PIAS4: variants seen among roughly 807,000 people sequenced by gnomAD.
PIAS4 encodes the protein E3 SUMO-protein ligase PIAS4.
PIAS4 carries 7 observed loss-of-function variants against 58.0 expected under a neutral mutation model. That is an observed-to-expected ratio of 0.12 (90% confidence interval 0.07 to 0.23). The LOEUF (loss-of-function observed/expected upper bound fraction) is 0.23, where lower values mean the gene tolerates loss of function less well. PIAS4 is among the 10% of genes least tolerant of loss of function. PIAS4 has a pLI of 1.00. For missense variants in PIAS4, 550 were observed against 709.5 expected (o/e 0.78, Z 2.55); for synonymous variants, 364 against 312.4 (o/e 1.17, Z -1.74).
intron 2 of PIAS4, among the ~76,000 whole-genome samples, chr19:4,016,970 A>G (rs981709472): frequency 6.6e-6 from 1 of 152,132 alleles, no homozygotes; most frequent in African/African-American, 2.4e-5. Flanking sequence ...GGGGTCAGTG[A>G]GGAAACTGAA....
chr19:4,034,343 C>G (rs534266234), intron 9 of PIAS4, among the ~76,000 whole-genome samples: 1 of 152,132 alleles, frequency 6.6e-6, no homozygotes, highest in African/African-American at 2.4e-5. Context: ...GCTGGCCTGC[C>G]TCTGGGGTTG....
rs115418242 is a variant in PIAS4 at position 4,014,787 on chromosome 19, C to T, written c.454+1438C>T. ...AGTCCATTGGGTGCCAGCTGGCCCC[C>T]GCTCCCCTGCCCAGGGAGGCAGCGT... is the stretch of plus-strand genomic sequence containing the variant. On this transcript the variant is annotated intron_variant, in intron 2 of 10. Transcript: ENST00000262971. Among the ~76,000 whole-genome samples, 1,455 of 152,318 alleles carry T rather than the reference C, an allele frequency of 9.6e-3. 29 individuals are homozygous for T. Among genetic ancestry groups the T allele is most frequent in the South Asian group, 0.036 (173 of 4,828 alleles).
chr19:4,011,676 GGT>G (rs1288867050), intron 1 of PIAS4, among the ~76,000 whole-genome samples: 3 of 131,922 alleles, frequency 2.3e-5, no homozygotes, highest in South Asian at 2.8e-4. Flanking sequence ...AGGTGTGGGG[GGT>G]GTGGAGGTGT....
In PIAS4 at chr19:4,039,259, C is replaced by G. The variant is rs1481245788; in HGVS notation, c.*1384C>G. 6.6e-6 allele frequency: 1 copy of G among 152,286 alleles called. No homozygotes were observed. The highest frequency in any genetic ancestry group is 1.5e-5 in the Non-Finnish European group (1 of 68,064). 9.4% of individuals were successfully genotyped at this position (152,286 alleles called of 1,614,324 possible). ...GGGCAGTTCAGTCTCACTGCAGAGCCCGCAGCCCGCTGCGCAGCTCGGCCC... is the reference window on the plus strand; with the variant it reads ...GGGCAGTTCAGTCTCACTGCAGAGCGCGCAGCCCGCTGCGCAGCTCGGCCC... On this transcript the variant is annotated 3_prime_UTR_variant, in exon 11 of 11. Transcript: ENST00000262971.
At position 4,013,384 on chromosome 19, in the gene PIAS4, G is replaced by A; in HGVS notation, c.454+35G>A. 3.8e-6 allele frequency: 6 copies of A among 1,568,586 alleles called. No homozygotes were observed. Among genetic ancestry groups the A allele is most frequent in the Non-Finnish European group, 5.2e-6 (6 of 1,147,452 alleles). On this transcript the variant is annotated intron_variant, in intron 2 of 10. Coordinates refer to ENST00000262971, the MANE Select transcript of PIAS4 (RefSeq NM_015897.4). The surrounding 1 kb of genome is among the most constrained non-coding windows in gnomAD (Gnocchi z 5.1). ...CACCCTGGGGAGGCTGCGACTGGAG[G>A]CTTCACCTAGGCCCCGTCGCCCAGC...
chr19:4,007,992 C>T (rs986102824), intron 1 of PIAS4, among the ~76,000 whole-genome samples: 1 of 151,458 alleles, frequency 6.6e-6, no homozygotes, highest in African/African-American at 2.4e-5. Flanking sequence ...CTGCCTCACC[C>T]AGGTCTTCGC....
intron 7 of PIAS4, among the ~76,000 whole-genome samples, chr19:4,030,878 C>G (rs2040216599): frequency 6.6e-6 from 1 of 152,132 alleles, no homozygotes; most frequent in African/African-American, 2.4e-5. Context: ...TATGGAGAGG[C>G]TAGGCCTAAC....
intron 7 of PIAS4, among the ~76,000 whole-genome samples, chr19:4,031,868 C>T (rs1185102897): frequency 1.3e-5 from 2 of 152,222 alleles, no homozygotes; most frequent in Non-Finnish European, 2.9e-5. Context: ...ATCAGATGGG[C>T]ACCTGCATCC....
Position 4,036,937 on chromosome 19 carries a change from C to G in PIAS4, c.1143-437C>G, listed in dbSNP as rs557946866. On this transcript the variant is annotated intron_variant, in intron 9 of 10. Coordinates refer to ENST00000262971, the MANE Select transcript of PIAS4 (RefSeq NM_015897.4). ...GTGTGTACACATGCTCACACACACA[C>G]ATTCATAGACTCCACACATGCACAC... 2.6e-5 allele frequency among the ~76,000 whole-genome samples: 4 copies of G among 151,906 alleles called. No individual in the cohort carries two copies. The South Asian group carries it at 8.3e-4, about 32-fold the overall frequency.
intron 9 of PIAS4, among the ~76,000 whole-genome samples, chr19:4,035,134 G>A (rs761518456): frequency 1.3e-5 from 2 of 152,182 alleles, no homozygotes; most frequent in Admixed American, 6.5e-5. Flanking sequence ...GGTGGGCTCC[G>A]AGCATCGCCT....
rs996075752 is a variant in PIAS4, at chr19:4,038,219, C to T, written c.*344C>T. On this transcript the variant is annotated 3_prime_UTR_variant, in exon 11 of 11. Transcript: ENST00000262971. The surrounding 1 kb of genome is among the most constrained non-coding windows in gnomAD (Gnocchi z 4.1). ...ACCAGGACGCCGCCCCGCGCCCTCC[C>T]CTCCGGATGCCCCGCCGCCCGCCGC... 14 of 258,088 alleles carry T rather than the reference C, an allele frequency of 5.4e-5. No individual in the cohort carries two copies. Among genetic ancestry groups the T allele is most frequent in the Non-Finnish European group, 7.3e-5 (10 of 136,272 alleles). The allele number at this position is 258,088 out of a possible 1,614,324, so 16.0% of individuals were successfully genotyped here.
intron 3 of PIAS4, among the ~76,000 whole-genome samples, chr19:4,024,377 G>C (rs141138121): frequency 8.4e-4 from 128 of 152,360 alleles, no homozygotes; most frequent in Non-Finnish European, 1.6e-3. Flanking sequence ...CTTTTAACAC[G>C]GTCTTGCCCT....
chr19:4,028,757 A>G lies in PIAS4; in HGVS notation c.710A>G (p.Lys237Arg). 1.2e-6 allele frequency: 2 copies of G among 1,613,180 alleles called. No individual in the cohort carries two copies. The highest frequency in any genetic ancestry group is 8.5e-7 in the Non-Finnish European group (1 of 1,179,800). Residue 237 changes from lysine to arginine, a missense_variant, in exon 6 of 11, where the codon AAG becomes AGG. Coordinates refer to ENST00000262971, the MANE Select transcript of PIAS4 (RefSeq NM_015897.4). ...TCCAATAAGCCCGGGGTGGAGCCCA[A>G]GAGGCCGTGCCGCCCCATCAACCTC... ...YPSNKPGVEP[K>R]RPCRPINLTH...
rs765485205 is a variant in PIAS4 at position 4,037,190 on chromosome 19, C to T, written c.1143-184C>T. ...TGCAGACCTGCCTGGGGCTCAGCACCTGCAGGGGCCTGAGGGCGGGGGAGG... is the reference window on the plus strand; with the variant it reads ...TGCAGACCTGCCTGGGGCTCAGCACTTGCAGGGGCCTGAGGGCGGGGGAGG... On this transcript the variant is annotated intron_variant, in intron 9 of 10. Transcript: ENST00000262971. This position sits in a 1 kb window ranked among gnomAD's most constrained non-coding sequence, Gnocchi z 5.8. Among the ~76,000 whole-genome samples, 1 of 152,216 alleles carries T rather than the reference C, an allele frequency of 6.6e-6. No homozygotes were observed. The highest frequency in any genetic ancestry group is 6.5e-5 in the Admixed American group (1 of 15,290).
rs940527326 is a variant in PIAS4 at position 4,038,691 on chromosome 19, GCACAGATGTC to G, written c.*832_*841del. On this transcript the variant is annotated 3_prime_UTR_variant, in exon 11 of 11. Transcript: ENST00000262971. This position sits in a 1 kb window ranked among gnomAD's most constrained non-coding sequence, Gnocchi z 4.1. ...TTCAGGTTAACTTCCCTACGGAACA[GCACAGATGTC>G]CACAGATGTCCACAGCTGCCGCCGC... The G allele has an allele frequency of 4.5e-4, 69 of 154,378 alleles. No individual in the cohort carries two copies. The highest frequency in any genetic ancestry group is 1.8e-3 in the South Asian group (10 of 5,702). The allele number at this position is 154,378 out of a possible 1,614,324, so 9.6% of individuals were successfully genotyped here. A position where few individuals can be genotyped will look rare whatever the true frequency, so the allele number is the denominator to read the frequency against.
intron 9 of PIAS4, among the ~76,000 whole-genome samples, chr19:4,035,871 TCACA>T (rs1367297197): frequency 6.3e-3 from 21 of 3,322 alleles, no homozygotes; most frequent in African/African-American, 0.016. Context: ...CCACACCGTC[TCACA>T]CACACACCCG....
chr19:4,033,217 C>T (rs372637712), intron 8 of PIAS4, 44 bp downstream of exon 8: 52 of 1,569,786 alleles, frequency 3.3e-5, no homozygotes, highest in Middle Eastern at 3.3e-4. Flanking sequence ...CTCCTGCGGC[C>T]GGCCTTCCCC....
chr19:4,024,754 G>A (rs1347146912), intron 3 of PIAS4, among the ~76,000 whole-genome samples: 1 of 30,764 alleles, frequency 3.3e-5, no homozygotes, highest in Non-Finnish European at 7.0e-5. Context: ...TAAGTCAGGT[G>A]TTTTTTTGTT....
At position 4,028,592 on chromosome 19, in the gene PIAS4, T is replaced by TCCGTCCCGGTGAGCATGCCCCGCC; in HGVS notation, c.667_672+18dup. The TCCGTCCCGGTGAGCATGCCCCGCC allele has an allele frequency of 1.2e-6, 2 of 1,612,680 alleles. No individual in the cohort carries two copies. The highest frequency in any genetic ancestry group is 1.7e-6 in the Non-Finnish European group (2 of 1,179,826). Reference sequence around the variant, plus strand: ...TGTGAAGGTCAACCACAGCTACTGCTCCGTCCCGGTGAGCATGCCCCGCCC... The same window carrying TCCGTCCCGGTGAGCATGCCCCGCC: ...TGTGAAGGTCAACCACAGCTACTGCTCCGTCCCGGTGAGCATGCCCCGCCCCGTCCCGGTGAGCATGCCCCGCCC... On this transcript the variant is annotated inframe_insertion, in exon 5 of 11. Coordinates refer to ENST00000262971, the MANE Select transcript of PIAS4 (RefSeq NM_015897.4).
Sources: allele counts gnomAD v4.1 joint callset (sites outside exome capture counted in the v4.1 genomes callset), GRCh38; gene constraint gnomAD v4.1.1; non-coding constraint Gnocchi (gnomAD v3.1); transcripts MANE v1.5; gene names NCBI Gene and HGNC (gene_info 2026-07-23, HGNC 2026-07-21).